DCPS: variants seen among roughly 807,000 people sequenced by gnomAD.
The protein encoded by DCPS is decapping enzyme, scavenger.
In DCPS, 27 loss-of-function variants were observed where a neutral mutation model predicts 34.7. The ratio of observed to expected loss-of-function variants is 0.78; its 90% CI spans 0.57 to 1.07. DCPS has a LOEUF of 1.07. Ranked by LOEUF, DCPS falls within the 50% of genes least tolerant of loss-of-function variation. The probability of loss-of-function intolerance (pLI) is 0.00; values close to 1 mark genes in which losing one functional copy is unlikely to be tolerated. For synonymous variants in DCPS, 185 were observed against 185.7 expected (o/e 1.00, Z 0.03); for missense variants, 464 against 436.9 (o/e 1.06, Z -0.55).
At chr11:126,330,401 T>G (rs1057213586) in intron 2 of DCPS, among the ~76,000 whole-genome samples, 8 of 152,150 alleles carry the variant, frequency 5.3e-5, no homozygotes, top group African/African-American at 1.9e-4. Flanking sequence ...ATGTGGTGTT[T>G]ACTGTGTGCC....
At chr11:126,339,996 G>T (rs993583279) in intron 4 of DCPS, among the ~76,000 whole-genome samples, 3 of 152,226 alleles carry the variant, frequency 2.0e-5, no homozygotes, top group African/African-American at 7.2e-5. Context: ...TGAAGAGCTT[G>T]CCAGGGGATC....
intron 2 of DCPS, among the ~76,000 whole-genome samples, chr11:126,307,842 A>G (rs1951585291): frequency 6.6e-6 from 1 of 152,252 alleles, no homozygotes; most frequent in African/African-American, 2.4e-5. Context: ...TTTACGAATG[A>G]GGAAACCGGT....
Position 126,332,120 on chromosome 11 carries a change from A to G in DCPS, c.522+570A>G, listed in dbSNP as rs920292385. Among the ~76,000 whole-genome samples the G allele has an allele frequency of 1.9e-4, 29 of 152,172 alleles. No individual in the cohort carries two copies. The highest frequency in any genetic ancestry group is 7.0e-4 in the African/African-American group (29 of 41,426). On this transcript the variant is annotated intron_variant, in intron 3 of 5. Coordinates refer to ENST00000263579, the MANE Select transcript of DCPS (RefSeq NM_014026.6). This position sits in a 1 kb window ranked among gnomAD's most constrained non-coding sequence, Gnocchi z 5.4. ...CTTATTCCTGGTTTCACCTGCGGCA[A>G]ACCGGCCTGCAGGATCTCAGTCTCA...
In DCPS at chr11:126,331,606, C is replaced by T. The variant is rs1951794588; in HGVS notation, c.522+56C>T. 1 of 1,595,798 alleles carries T rather than the reference C, an allele frequency of 6.3e-7. No individual in the cohort carries two copies. The highest frequency in any genetic ancestry group is 8.5e-7 in the Non-Finnish European group (1 of 1,171,048). ...ACTGCTCCCGTGGCTGGTGCCTCCT[C>T]TTACGAGTGTCTATTGGGGTCATAT... On this transcript the variant is annotated intron_variant, in intron 3 of 5. Transcript: ENST00000263579. The surrounding 1 kb of genome is among the most constrained non-coding windows in gnomAD (Gnocchi z 7.2).
chr11:126,314,997 T>A (rs558078039), intron 2 of DCPS, among the ~76,000 whole-genome samples: 80 of 152,124 alleles, frequency 5.3e-4, no homozygotes, highest in East Asian at 4.6e-3. Flanking sequence ...TAAAAAAATT[T>A]AAAAAAATTG....
At position 126,345,660 on chromosome 11, in the gene DCPS, TG is replaced by T. The variant is rs1951919259; in HGVS notation, c.*51del. The T allele has an allele frequency of 6.3e-7, 1 of 1,581,784 alleles. No homozygotes were observed. ...CAGATGTGTGGGATTGGGGGAGGAGTGGGGACAAGATTTTTTATCTCCAAGT... is the reference window on the plus strand; with the variant it reads ...CAGATGTGTGGGATTGGGGGAGGAGTGGGACAAGATTTTTTATCTCCAAGT... On this transcript the variant is annotated 3_prime_UTR_variant, in exon 6 of 6. Coordinates refer to ENST00000263579, the MANE Select transcript of DCPS (RefSeq NM_014026.6). This position sits in a 1 kb window ranked among gnomAD's most constrained non-coding sequence, Gnocchi z 7.4.
rs745819346 is a variant in DCPS at position 126,331,393 on chromosome 11, G to A, written c.377-12G>A. On this transcript the variant is annotated splice_polypyrimidine_tract_variant and intron_variant, in intron 2 of 5. Transcript: ENST00000263579. The surrounding 1 kb of genome is among the most constrained non-coding windows in gnomAD (Gnocchi z 7.2). ...TTGCTTCCCTGTCACGGGCTGTGCT[G>A]TATCATTGCAGATGTAAAGACGACC... The A allele has an allele frequency of 1.3e-5, 21 of 1,613,878 alleles. No individual in the cohort carries two copies. The South Asian group carries it at 2.0e-4, about 15-fold the overall frequency.
rs1951883195 is a variant in DCPS, at chr11:126,342,523, T to C, written c.637-784T>C. 6.6e-6 allele frequency among the ~76,000 whole-genome samples: 1 copy of C among 152,238 alleles called. No individual in the cohort carries two copies. The highest frequency in any genetic ancestry group is 2.4e-5 in the African/African-American group (1 of 41,456). On this transcript the variant is annotated intron_variant, in intron 4 of 5. Coordinates refer to ENST00000263579, the MANE Select transcript of DCPS (RefSeq NM_014026.6). This position sits in a 1 kb window ranked among gnomAD's most constrained non-coding sequence, Gnocchi z 4.4. The stretch of plus-strand genomic sequence containing the variant: ...CATTCTTGCCTCCGAGTCTTTGCTC[T>C]GTTTCCTCTACCTGAATACCCTTTC...
chr11:126,318,563 G>A lies in DCPS; in HGVS notation c.376+11819G>A, dbSNP rs1314694208. On this transcript the variant is annotated intron_variant, in intron 2 of 5. Transcript: ENST00000263579. ...CTCTCGTTCTTTCAGGCTTTCTCTG[G>A]CATGCCTTGCGAAGTCCGGTTATCT... 1.3e-5 allele frequency among the ~76,000 whole-genome samples: 2 copies of A among 152,192 alleles called. 1 individual carries two copies. Among genetic ancestry groups the A allele is most frequent in the Non-Finnish European group, 2.9e-5 (2 of 68,040 alleles).
At position 126,345,750 on chromosome 11, in the gene DCPS, C is replaced by T; in HGVS notation, c.*137C>T. On this transcript the variant is annotated 3_prime_UTR_variant, in exon 6 of 6. Coordinates refer to ENST00000263579, the MANE Select transcript of DCPS (RefSeq NM_014026.6). The surrounding 1 kb of genome is among the most constrained non-coding windows in gnomAD (Gnocchi z 7.4). ...AGTATTGAATAAACTAGCGGGCTCACTCAGTGTGGACAGCGTGGCCTGGGA... is the reference window on the plus strand; with the variant it reads ...AGTATTGAATAAACTAGCGGGCTCATTCAGTGTGGACAGCGTGGCCTGGGA... 1 of 1,352,438 alleles carries T rather than the reference C, an allele frequency of 7.4e-7. No homozygotes were observed. The highest frequency in any genetic ancestry group is 2.5e-5 in the East Asian group (1 of 40,732). The allele number at this position is 1,352,438 out of a possible 1,614,324, so 83.8% of individuals were successfully genotyped here.
At chr11:126,306,481 A>T (rs648710) in intron 1 of DCPS, 89 bp from the exon 2 acceptor site, 999,592 of 1,344,728 alleles carry the variant, frequency 0.74, 375,264 homozygotes, top group East Asian at 0.99. Flanking sequence ...AGTATTGGGA[A>T]TTCAAAGGCC....
At chr11:126,310,750 C>A (rs1408374677) in intron 2 of DCPS, among the ~76,000 whole-genome samples, 1 of 152,246 alleles carries the variant, frequency 6.6e-6, no homozygotes, top group Non-Finnish European at 1.5e-5. Context: ...GAGCCTGGGA[C>A]CTCCCTCTCC....
In DCPS at chr11:126,345,381, A is replaced by G; in HGVS notation, c.782A>G (p.Asp261Gly). The G allele has an allele frequency of 6.2e-7, 1 of 1,614,106 alleles. No homozygotes were observed. The highest frequency in any genetic ancestry group is 1.1e-5 in the South Asian group (1 of 91,086). The change falls in exon 6 of 6, where the codon GAC becomes GGC. Residue 261 changes from aspartate to glycine, a missense_variant. By Grantham distance (94) the Asp-to-Gly change is moderately conservative. Transcript: ENST00000263579. This position sits in a 1 kb window ranked among gnomAD's most constrained non-coding sequence, Gnocchi z 7.4. Reference protein sequence around the residue: ...AILQRYRMKGDHLRVYLHYLP... With the variant: ...AILQRYRMKGGHLRVYLHYLP... ...CTGCAGCGCTACCGGATGAAGGGAG[A>G]CCATCTGCGAGTATACCTGCACTAC... is the stretch of plus-strand genomic sequence containing the variant.
intron 2 of DCPS, among the ~76,000 whole-genome samples, chr11:126,311,106 G>A (rs1433553950): frequency 1.3e-5 from 2 of 152,198 alleles, no homozygotes; most frequent in Admixed American, 1.3e-4. Flanking sequence ...GGCTGCTCGT[G>A]TGAGCCACTC....
rs750759654 is a variant in DCPS, at chr11:126,331,655, C to T, written c.522+105C>T. 55 of 1,422,366 alleles carry T rather than the reference C, an allele frequency of 3.9e-5. No individual in the cohort carries two copies. In the South Asian group the frequency reaches 4.3e-4, roughly 11 times the overall value. The allele number at this position is 1,422,366 out of a possible 1,614,324, so 88.1% of individuals were successfully genotyped here. ...ATTAGGGGCCAGGCGCTGTGCTGGG[C>T]GAGGGGATGGGGGTACAGTAGAGAG... is the stretch of plus-strand genomic sequence containing the variant. On this transcript the variant is annotated intron_variant, in intron 3 of 5. Transcript: ENST00000263579. This position sits in a 1 kb window ranked among gnomAD's most constrained non-coding sequence, Gnocchi z 7.2.
intron 2 of DCPS, among the ~76,000 whole-genome samples, chr11:126,316,884 G>T (rs1951663444): frequency 6.7e-6 from 1 of 150,018 alleles, no homozygotes; most frequent in South Asian, 2.1e-4. Flanking sequence ...TTGAACTCCT[G>T]ACCTCAGGTG....
rs1015281738 is a variant in DCPS at position 126,313,388 on chromosome 11, A to C, written c.376+6644A>C. Among the ~76,000 whole-genome samples the C allele has an allele frequency of 3.3e-5, 5 of 152,214 alleles. No homozygotes were observed. Among genetic ancestry groups the C allele is most frequent in the Admixed American group, 1.3e-4 (2 of 15,278 alleles). Reference sequence around the variant, plus strand: ...GCATTTTAAAAGACAAGTCATTCTCAGAAGAGTTTGCTTGGTAGCATTGTT... The same window carrying C: ...GCATTTTAAAAGACAAGTCATTCTCCGAAGAGTTTGCTTGGTAGCATTGTT... On this transcript the variant is annotated intron_variant, in intron 2 of 5. Coordinates refer to ENST00000263579, the MANE Select transcript of DCPS (RefSeq NM_014026.6). The surrounding 1 kb of genome is among the most constrained non-coding windows in gnomAD (Gnocchi z 4.9).
rs1951719011 is a variant in DCPS at position 126,323,025 on chromosome 11, C to T, written c.377-8380C>T. ...TATTTTTTGTAGAGATGGGGTCTTG[C>T]CATGTAGCGCAGGCTGGTCTCGAAC... On this transcript the variant is annotated intron_variant, in intron 2 of 5. Transcript: ENST00000263579. The surrounding 1 kb of genome is among the most constrained non-coding windows in gnomAD (Gnocchi z 4.4). Among the ~76,000 whole-genome samples, 1 of 152,062 alleles carries T rather than the reference C, an allele frequency of 6.6e-6. No individual in the cohort carries two copies. Among genetic ancestry groups the T allele is most frequent in the Non-Finnish European group, 1.5e-5 (1 of 68,012 alleles).
chr11:126,321,252 C>CAAA lies in DCPS; in HGVS notation c.377-10135_377-10133dup, dbSNP rs776121972. On this transcript the variant is annotated intron_variant, in intron 2 of 5. Transcript: ENST00000263579. ...CCTGGGTGATAGTGGGACCTTGTCTCAAAAAAAAAAAAAAAAAAAATCACA... is the reference window on the plus strand; with the variant it reads ...CCTGGGTGATAGTGGGACCTTGTCTCAAAAAAAAAAAAAAAAAAAAAAATCACA... Among the ~76,000 whole-genome samples, 819 of 97,532 alleles carry CAAA rather than the reference C, an allele frequency of 8.4e-3. 13 individuals are homozygous for CAAA. The highest frequency in any genetic ancestry group is 0.013 in the African/African-American group (343 of 26,266). The allele number at this position is 97,532 out of a possible 152,430, so 64.0% of individuals were successfully genotyped here. A position where few individuals can be genotyped will look rare whatever the true frequency, so the allele number is the denominator to read the frequency against.
Sources: allele counts gnomAD v4.1 joint callset (sites outside exome capture counted in the v4.1 genomes callset), GRCh38; gene constraint gnomAD v4.1.1; non-coding constraint Gnocchi (gnomAD v3.1); transcripts MANE v1.5; gene names NCBI Gene and HGNC (gene_info 2026-07-23, HGNC 2026-07-21).